The following DCHS1 variants were observed in gnomAD, a reference collection of about 807,000 sequenced individuals.
DCHS1 encodes dachsous cadherin-related 1.
DCHS1 carries 78 observed loss-of-function variants against 213.9 expected under a neutral mutation model. That is an observed-to-expected ratio of 0.36 (90% CI 0.30 to 0.44). The LOEUF (loss-of-function observed/expected upper bound fraction) is 0.44, where lower values mean the gene tolerates loss of function less well. Among genes scored for constraint, DCHS1 ranks in the 20% least tolerant of loss-of-function variants. The pLI is 1.00. For synonymous variants in DCHS1, 1,828 were observed against 1,873.7 expected (o/e 0.98, Z 0.63); for missense variants, 3,946 against 4,395.9 (o/e 0.90, Z 2.89).
Position 6,626,318 on chromosome 11 carries a change from C to G in DCHS1, c.6427G>C (p.Val2143Leu). The change falls in exon 16 of 21, where the codon GTG becomes CTG. Residue 2143 changes from valine (V) to leucine (L), a missense_variant. This residue lies in a region of DCHS1 where 3,384 missense variants were observed against 3,780.1 expected (regional missense o/e 0.90). Transcript: ENST00000299441. The surrounding 1 kb of genome is among the most constrained non-coding windows in gnomAD (Gnocchi z 5.2). Reference protein sequence around the residue: ...DFEVSPRLRLVLQAESGGAFA... With the variant: ...DFEVSPRLRLLLQAESGGAFA... ...GCTCCTCCACTCTCTGCCTGCAGCA[C>G]CAGTCGCAGCCGTGGACTCACCTCG... 7 of 1,613,584 alleles carry G rather than the reference C, an allele frequency of 4.3e-6. No individual in the cohort carries two copies. Among genetic ancestry groups the G allele is most frequent in the Non-Finnish European group, 5.9e-6 (7 of 1,179,718 alleles).
intron 2 of DCHS1, chr11:6,635,324 C>T (rs557203205): frequency 6.6e-6 from 1 of 152,302 alleles, no homozygotes; most frequent in South Asian, 2.1e-4. Flanking sequence ...ACGGTCTGAT[C>T]ATCCTGCTTT....
chr11:6,632,098 T>C lies in DCHS1; in HGVS notation c.3414A>G (p.Gly1138=), dbSNP rs181432898. The change falls in exon 6 of 21, where the codon GGA becomes GGG. Residue 1138 remains glycine, a synonymous_variant. Coordinates refer to ENST00000299441, the MANE Select transcript of DCHS1 (RefSeq NM_003737.4). This position sits in a 1 kb window ranked among gnomAD's most constrained non-coding sequence, Gnocchi z 5.9. ...FATDRDSGPN[G]RLTYSLQQLS... is the part of the protein sequence containing the mutation. ...GCTGTTGCAGGCTGTAGGTCAGACG[T>C]CCATTGGGTCCTGAGTCTCGGTCAG... is the stretch of plus-strand genomic sequence containing the variant. 4.0e-5 allele frequency: 62 copies of C among 1,550,626 alleles called. No homozygotes were observed. Among genetic ancestry groups the C allele is most frequent in the Non-Finnish European group, 5.2e-5 (60 of 1,144,202 alleles).
Position 6,629,802 on chromosome 11 carries a change from C to T in DCHS1, c.4905G>A (p.Leu1635=), listed in dbSNP as rs558214953. 8 of 1,613,486 alleles carry T rather than the reference C, an allele frequency of 5.0e-6. No homozygotes were observed. Among genetic ancestry groups the T allele is most frequent in the Non-Finnish European group, 6.8e-6 (8 of 1,179,908 alleles). ...CGTTGACGTCAGCGACACTGACGGT[C>T]AGGACCTGCGTGGCCGAGCGCGGCG... ...GSPPRSATQV[L]TVSVADVNDE... Residue 1635 remains leucine (L), a synonymous_variant, in exon 11 of 21, where the codon CTG becomes CTA. Coordinates refer to ENST00000299441, the MANE Select transcript of DCHS1 (RefSeq NM_003737.4).
chr11:6,631,230 G>A lies in DCHS1; in HGVS notation c.3773-20C>T. 2 of 1,612,522 alleles carry A rather than the reference G, an allele frequency of 1.2e-6. No homozygotes were observed. Among genetic ancestry groups the A allele is most frequent in the Admixed American group, 1.7e-5 (1 of 59,998 alleles). ...CAGGACCTGGGGACAGGCAGAGGAA[G>A]ATGAGGGCTTGGGGCCCAGAGCTGG... is the stretch of plus-strand genomic sequence containing the variant. On this transcript the variant is annotated intron_variant, in intron 8 of 20. Transcript: ENST00000299441.
intron 2 of DCHS1, among the ~76,000 whole-genome samples, chr11:6,639,038 G>A (rs1856025631): frequency 6.6e-6 from 1 of 151,832 alleles, no homozygotes; most frequent in Non-Finnish European, 1.5e-5. Context: ...GTGAACCCAG[G>A]AGGCAGACTT....
intron 1 of DCHS1, among the ~76,000 whole-genome samples, chr11:6,646,185 C>T (rs563304838): frequency 6.6e-6 from 1 of 152,028 alleles, no homozygotes; most frequent in Non-Finnish European, 1.5e-5. Flanking sequence ...GTCACGTATG[C>T]ACAGACTGAC....
At chr11:6,636,191 C>T (rs1402741471) in intron 2 of DCHS1, among the ~76,000 whole-genome samples, 6 of 152,124 alleles carry the variant, frequency 3.9e-5, no homozygotes, top group Admixed American at 2.0e-4. Context: ...CCTGCTTTGA[C>T]TTTTCAAAAC....
intron 1 of DCHS1, among the ~76,000 whole-genome samples, chr11:6,644,774 C>G (rs1407519743): frequency 1.3e-5 from 2 of 152,224 alleles, no homozygotes. Context: ...CATGGTCATG[C>G]CAACTGAGAC....
chr11:6,624,747 C>A lies in DCHS1; in HGVS notation c.7268G>T (p.Ser2423Ile), dbSNP rs1855765540. The change falls in exon 20 of 21, where the codon AGT becomes ATT. Residue 2423 changes from serine to isoleucine, a missense_variant. Around this residue, in one of 3 missense-constraint regions of DCHS1, gnomAD observed 3,384 missense variants for 3,780.1 expected, o/e 0.90. Coordinates refer to ENST00000299441, the MANE Select transcript of DCHS1 (RefSeq NM_003737.4). ...AGACGCACCATTGTTGGGGTCAACA[C>A]TGAAGCCATCGGCAGGGGAAGCCAG... is the stretch of plus-strand genomic sequence containing the variant. The part of the protein sequence containing the change: ...YHLASPADGF[S>I]VDPNNGTLFT... 1.2e-6 allele frequency: 2 copies of A among 1,613,968 alleles called. No individual in the cohort carries two copies. Among genetic ancestry groups the A allele is most frequent in the East Asian group, 2.2e-5 (1 of 44,876 alleles).
Position 6,626,849 on chromosome 11 carries a change from G to C in DCHS1, c.6190C>G (p.Arg2064Gly), listed in dbSNP as rs752852456. The C allele has an allele frequency of 6.2e-7, 1 of 1,613,316 alleles. No homozygotes were observed. The highest frequency in any genetic ancestry group is 1.1e-5 in the South Asian group (1 of 91,062). The change falls in exon 14 of 21, where the codon CGT (arginine) becomes GGT (glycine). Residue 2064 changes from arginine to glycine, a missense_variant. Around this residue, in one of 3 missense-constraint regions of DCHS1, gnomAD observed 3,384 missense variants for 3,780.1 expected, o/e 0.90. Transcript: ENST00000299441. This position sits in a 1 kb window ranked among gnomAD's most constrained non-coding sequence, Gnocchi z 5.2. ...CTAGCCCGGGGAAAGCGGGGTCCAC[G>C]CTCAGCTTCCCCCTGCAGTCCAACA... ...IIVGLQGEAE[R>G]GPRFPRASSE...
rs1855891068 is a variant in DCHS1, at chr11:6,630,645, C to T, written c.4149G>A (p.Ala1383=). The T allele has an allele frequency of 2.6e-6, 4 of 1,536,346 alleles. No individual in the cohort carries two copies. Among genetic ancestry groups the T allele is most frequent in the Non-Finnish European group, 3.5e-6 (4 of 1,145,328 alleles). The part of the protein sequence containing the change: ...ADPEGTFALD[A]ASGRLYLARP... ...GCGCCAGGTACAAGCGCCCTGAGGC[C>T]GCATCCAGCGCGAAGGTGCCCTCGG... Residue 1383 remains alanine, a synonymous_variant, in exon 10 of 21, where the codon GCG becomes GCA. Coordinates refer to ENST00000299441, the MANE Select transcript of DCHS1 (RefSeq NM_003737.4).
chr11:6,633,868 G>C lies in DCHS1; in HGVS notation c.2139C>G (p.Asp713Glu). 1 of 1,614,014 alleles carries C rather than the reference G, an allele frequency of 6.2e-7. No homozygotes were observed. The change falls in exon 4 of 21, where the codon GAC (aspartate) becomes GAG (glutamate). Residue 713 changes from aspartate (D) to glutamate (E), a missense_variant. Physicochemically the swap from Asp to Glu is conservative, Grantham distance 45. Coordinates refer to ENST00000299441, the MANE Select transcript of DCHS1 (RefSeq NM_003737.4). ...AGGAGAGTCGCCCATGGGATCCCTG[G>C]TCAGGGTCATGGGCACGCAACCTCA... ...AVLRLRAHDP[D>E]QGSHGRLSYH...
rs1016184096 is a variant in DCHS1, at chr11:6,621,571, T to C, written c.*208A>G. ...TACCTCCTTCATATTTCTCCCCACATTGGACCTGGTCACAGGTCAGTGAGC... is the reference window on the plus strand; with the variant it reads ...TACCTCCTTCATATTTCTCCCCACACTGGACCTGGTCACAGGTCAGTGAGC... On this transcript the variant is annotated 3_prime_UTR_variant, in exon 21 of 21. Coordinates refer to ENST00000299441, the MANE Select transcript of DCHS1 (RefSeq NM_003737.4). The C allele has an allele frequency of 1.8e-5, 13 of 708,004 alleles. No homozygotes were observed. The African/African-American group carries it at 2.3e-4, about 12-fold the overall frequency. The allele number at this position is 708,004 out of a possible 1,614,324, so 43.9% of individuals were successfully genotyped here. A position where few individuals can be genotyped will look rare whatever the true frequency, so the allele number is the denominator to read the frequency against.
Position 6,625,864 on chromosome 11 carries a change from G to A in DCHS1, c.6731+56C>T, listed in dbSNP as rs1051872875. ...AGGGACCAGATGAGTTCAAGGCAGG[G>A]CTTGAAACTGGACAGGCCCAAGATG... On this transcript the variant is annotated intron_variant, in intron 17 of 20. Transcript: ENST00000299441. The surrounding 1 kb of genome is among the most constrained non-coding windows in gnomAD (Gnocchi z 5.3). The A allele has an allele frequency of 6.3e-7, 1 of 1,598,038 alleles. No individual in the cohort carries two copies. Among genetic ancestry groups the A allele is most frequent in the Non-Finnish European group, 8.5e-7 (1 of 1,172,342 alleles).
chr11:6,650,463 C>A (rs1418176318), intron 1 of DCHS1, among the ~76,000 whole-genome samples: 1 of 152,162 alleles, frequency 6.6e-6, no homozygotes, highest in Non-Finnish European at 1.5e-5. Context: ...ATAGCATGAA[C>A]CCCTGGGAGG....
Position 6,625,826 on chromosome 11 carries a change from C to T in DCHS1, c.6731+94G>A, listed in dbSNP as rs1855788898. The T allele has an allele frequency of 6.3e-7, 1 of 1,578,544 alleles. No individual in the cohort carries two copies. On this transcript the variant is annotated intron_variant, in intron 17 of 20. Coordinates refer to ENST00000299441, the MANE Select transcript of DCHS1 (RefSeq NM_003737.4). The surrounding 1 kb of genome is among the most constrained non-coding windows in gnomAD (Gnocchi z 5.3). ...GGACAGAGCTTAGGGCTGGGGAATT[C>T]AGGATGTGGCCAAGGGACCAGATGA...
chr11:6,654,358 A>C (rs1419752464), intron 1 of DCHS1, among the ~76,000 whole-genome samples: 6 of 152,192 alleles, frequency 3.9e-5, no homozygotes, highest in Non-Finnish European at 8.8e-5. Context: ...GTGCTGTGAC[A>C]GTTGTGACAG....
chr11:6,641,875 G>A lies in DCHS1; in HGVS notation c.-120-142C>T, dbSNP rs575849605. 7 of 685,704 alleles carry A rather than the reference G, an allele frequency of 1.0e-5. No homozygotes were observed. Among genetic ancestry groups the A allele is most frequent in the East Asian group, 5.9e-5 (2 of 33,932 alleles). The allele number at this position is 685,704 out of a possible 1,614,324, so 42.5% of individuals were successfully genotyped here. A position where few individuals can be genotyped will look rare whatever the true frequency, so the allele number is the denominator to read the frequency against. ...GCCTCACACTCATCTTGGGCCACAC[G>A]GATCTCTGCCTCAGGACTCTTCGAG... is the stretch of plus-strand genomic sequence containing the variant. On this transcript the variant is annotated intron_variant, in intron 1 of 20. Transcript: ENST00000299441. The surrounding 1 kb of genome is among the most constrained non-coding windows in gnomAD (Gnocchi z 7.1).
intron 1 of DCHS1, among the ~76,000 whole-genome samples, chr11:6,645,991 T>C (rs1404707279): frequency 6.6e-6 from 1 of 152,008 alleles, no homozygotes; most frequent in Non-Finnish European, 1.5e-5. Context: ...TCCACACAGA[T>C]GAGCCTATTC....
Sources: allele counts gnomAD v4.1 joint callset (sites outside exome capture counted in the v4.1 genomes callset), GRCh38; gene constraint gnomAD v4.1.1; regional missense constraint gnomAD v4.1.1; non-coding constraint Gnocchi (gnomAD v3.1); transcripts MANE v1.5; gene names NCBI Gene and HGNC (gene_info 2026-07-23, HGNC 2026-07-21).